Variants in KCNT2 observed in about 807,000 individuals in gnomAD.
The protein encoded by KCNT2 is potassium channel subfamily T member 2.
A neutral mutation model predicts 153.8 loss-of-function variants in KCNT2; 67 were observed. The observed-to-expected ratio is 0.44, with a 90% CI of 0.36 to 0.53. The LOEUF (loss-of-function observed/expected upper bound fraction) is 0.53, where lower values mean the gene tolerates loss of function less well. Among genes scored for constraint, KCNT2 ranks in the 20% least tolerant of loss-of-function variants. The pLI, the probability that KCNT2 is intolerant of heterozygous loss-of-function variation, is 0.00. For synonymous variants in KCNT2, 500 were observed against 458.8 expected, an observed-to-expected ratio of 1.09 and a Z score of -1.15; for missense variants, 975 against 1,354.8, an observed-to-expected ratio of 0.72 and a Z score of 4.40.
rs533574676 is a variant in KCNT2, at chr1:196,368,086, T to A, written c.1403+5054A>T. On this transcript the variant is annotated intron_variant, in intron 14 of 27. Transcript: ENST00000294725. Reference sequence around the variant, plus strand: ...TGCTCTGGATGCTGAACCCATAGTTTTTAAGGTGTAAACTAAACACCACCC... The same window carrying A: ...TGCTCTGGATGCTGAACCCATAGTTATTAAGGTGTAAACTAAACACCACCC... Among the ~76,000 whole-genome samples the A allele has an allele frequency of 4.6e-5, 7 of 152,280 alleles. No homozygotes were observed. The South Asian group carries it at 1.4e-3, about 32-fold the overall frequency.
chr1:196,248,318 T>A (rs1244919556), intron 26 of KCNT2, among the ~76,000 whole-genome samples: 1 of 151,644 alleles, frequency 6.6e-6, no homozygotes, highest in East Asian at 1.9e-4. Context: ...ATAAATGACA[T>A]TGAAATGAAG....
At position 196,287,820 on chromosome 1, in the gene KCNT2, G is replaced by A. The variant is rs558457876; in HGVS notation, c.2596-2062C>T. 7.9e-5 allele frequency among the ~76,000 whole-genome samples: 12 copies of A among 152,182 alleles called. No individual in the cohort carries two copies. In the East Asian group the frequency reaches 2.1e-3, roughly 27 times the overall value. ...TTATCAGTTAATAGAAGTATTATGT[G>A]TTGAATATGGGCCAGGAGCTAGTTA... On this transcript the variant is annotated intron_variant, in intron 22 of 27. Transcript: ENST00000294725.
chr1:196,470,444 C>G (rs993953229), intron 5 of KCNT2, among the ~76,000 whole-genome samples: 1 of 152,198 alleles, frequency 6.6e-6, no homozygotes, highest in Non-Finnish European at 1.5e-5. Flanking sequence ...ATGGTTTACA[C>G]TCAGTAAGAC....
At chr1:196,412,111 G>A (rs1030951311) in intron 12 of KCNT2, among the ~76,000 whole-genome samples, 1 of 151,610 alleles carries the variant, frequency 6.6e-6, no homozygotes, top group Non-Finnish European at 1.5e-5. Flanking sequence ...GATTATCTTA[G>A]GTTAATCTTA....
intron 13 of KCNT2, among the ~76,000 whole-genome samples, chr1:196,381,690 A>C (rs1669503764): frequency 6.6e-6 from 1 of 152,202 alleles, no homozygotes; most frequent in African/African-American, 2.4e-5. Context: ...CCCTCTGTAG[A>C]AACCACTTAA....
chr1:196,481,706 A>T (rs1469112573), intron 4 of KCNT2, among the ~76,000 whole-genome samples: 1 of 152,210 alleles, frequency 6.6e-6, no homozygotes, highest in African/African-American at 2.4e-5. Context: ...GAAATTCAGT[A>T]GGAAACAAAA....
chr1:196,328,490 T>C (rs1016548525), intron 18 of KCNT2, among the ~76,000 whole-genome samples: 2 of 151,756 alleles, frequency 1.3e-5, no homozygotes, highest in Non-Finnish European at 2.9e-5. Context: ...TGAGATGTGA[T>C]GAAAAATCAA....
chr1:196,600,022 T>C (rs1202107639), intron 1 of KCNT2, among the ~76,000 whole-genome samples: 1 of 152,230 alleles, frequency 6.6e-6, no homozygotes, highest in Non-Finnish European at 1.5e-5. Context: ...TTCATGTATA[T>C]GCAATGGTTC....
At chr1:196,431,831 T>C (rs553875275) in intron 8 of KCNT2, among the ~76,000 whole-genome samples, 12 of 152,138 alleles carry the variant, frequency 7.9e-5, no homozygotes, top group African/African-American at 2.4e-4. Context: ...TAAATAAAAA[T>C]TGTGCTCCAG....
intron 4 of KCNT2, among the ~76,000 whole-genome samples, chr1:196,480,855 CAAAAAAAA>C (rs372270510): frequency 3.7e-5 from 1 of 26,896 alleles, no homozygotes; most frequent in Non-Finnish European, 6.6e-5. Context: ...GACTTCGTCT[CAAAAAAAA>C]AAAAAAAAAA....
At chr1:196,382,329 G>C (rs1171374565) in intron 13 of KCNT2, among the ~76,000 whole-genome samples, 1 of 151,420 alleles carries the variant, frequency 6.6e-6, no homozygotes, top group South Asian at 2.1e-4. Context: ...GGATGGTCTC[G>C]ATCTCCTGAC....
At chr1:196,263,605 G>A (rs1426570248) in intron 25 of KCNT2, among the ~76,000 whole-genome samples, 1 of 151,868 alleles carries the variant, frequency 6.6e-6, no homozygotes, top group East Asian at 1.9e-4. Flanking sequence ...ACTCGGAGTA[G>A]GTAGAACCTC....
chr1:196,605,792 A>G (rs576450073), intron 1 of KCNT2, among the ~76,000 whole-genome samples: 6 of 152,320 alleles, frequency 3.9e-5, no homozygotes, highest in African/African-American at 1.4e-4. Flanking sequence ...AAAAGGGAGA[A>G]AAAAAGGATT....
At chr1:196,507,258 T>A (rs1287390290) in intron 1 of KCNT2, among the ~76,000 whole-genome samples, 1 of 152,144 alleles carries the variant, frequency 6.6e-6, no homozygotes, top group Non-Finnish European at 1.5e-5. Context: ...ATGTTACACT[T>A]GAGAAAAATT....
At chr1:196,424,506 G>T (rs1673479932) in intron 11 of KCNT2, among the ~76,000 whole-genome samples, 1 of 151,798 alleles carries the variant, frequency 6.6e-6, no homozygotes, top group Non-Finnish European at 1.5e-5. Flanking sequence ...CCTAAAGCCA[G>T]GGTTTACCTG....
intron 14 of KCNT2, among the ~76,000 whole-genome samples, chr1:196,371,011 T>A (rs772046061): frequency 1.3e-5 from 2 of 152,010 alleles, no homozygotes; most frequent in Non-Finnish European, 2.9e-5. Flanking sequence ...AACATGCACA[T>A]ATATCCCCTG....
intron 8 of KCNT2, among the ~76,000 whole-genome samples, chr1:196,441,092 G>A (rs565486141): frequency 6.6e-6 from 1 of 151,898 alleles, no homozygotes; most frequent in South Asian, 2.1e-4. Flanking sequence ...ATGCCATATG[G>A]AAAGGAAGAC....
At chr1:196,561,675 A>AAAAAAAAAAAAAAAAAAAAAAAAAAAG (rs1553254846) in intron 1 of KCNT2, among the ~76,000 whole-genome samples, 1 of 36,472 alleles carries the variant, frequency 2.7e-5, no homozygotes, top group African/African-American at 4.2e-5. Context: ...AAAAAAAAAA[A>AAAAAAAAAAAAAAAAAAAAAAAAAAAG]AAGAAGAAGA....
At chr1:196,436,214 G>C (rs956072006) in intron 8 of KCNT2, among the ~76,000 whole-genome samples, 1 of 151,368 alleles carries the variant, frequency 6.6e-6, no homozygotes, top group Non-Finnish European at 1.5e-5. Flanking sequence ...TATTCTTTTG[G>C]TTACTGGCAA....
Sources: allele counts gnomAD v4.1 joint callset (sites outside exome capture counted in the v4.1 genomes callset), GRCh38; gene constraint gnomAD v4.1.1; transcripts MANE v1.5; gene names NCBI Gene and HGNC (gene_info 2026-07-23, HGNC 2026-07-21).